The following NF1 variants were observed in gnomAD, a reference collection of about 807,000 sequenced individuals.
NF1 encodes the protein neurofibromin.
Under a neutral mutation model 325.7 loss-of-function variants are expected in NF1, and 122 were observed. The observed-to-expected ratio is 0.37, with a 90% CI of 0.32 to 0.44. NF1 has a LOEUF of 0.44. Ranked by LOEUF, NF1 falls within the 20% of genes least tolerant of loss-of-function variation. NF1 has a pLI of 1.00. For missense variants in NF1, 2,140 were observed against 3,415.4 expected (o/e 0.63, Z 9.31); for synonymous variants, 1,091 against 1,186.0 (o/e 0.92, Z 1.65).
rs370633563 is a variant in NF1, at chr17:31,353,703, T to C, written c.7615+1289T>C. ...TGTTCTTGCATTCCATTGGGTAAAA[T>C]TGTAATTGTTACTGGAATACATTAG... On this transcript the variant is annotated intron_variant, in intron 51 of 57. Coordinates refer to ENST00000358273, the MANE Select transcript of NF1 (RefSeq NM_001042492.3). Among the ~76,000 whole-genome samples the C allele has an allele frequency of 3.3e-4, 50 of 152,304 alleles. 1 individual carries two copies. The East Asian group carries it at 7.1e-3, about 22-fold the overall frequency.
chr17:31,309,955 A>C (rs1184598729), intron 36 of NF1, among the ~76,000 whole-genome samples: 1 of 152,232 alleles, frequency 6.6e-6, no homozygotes, highest in Non-Finnish European at 1.5e-5. Context: ...AGAGTACTAG[A>C]AACTGTATTA....
At chr17:31,368,183 C>T (rs1360393023) in intron 57 of NF1, among the ~76,000 whole-genome samples, 1 of 152,188 alleles carries the variant, frequency 6.6e-6, no homozygotes, top group Non-Finnish European at 1.5e-5. Context: ...GTTGCCCAGG[C>T]TGGAGTACAG....
intron 43 of NF1, 99 bp downstream of exon 43, chr17:31,337,681 A>AC: frequency 1.4e-6 from 2 of 1,415,544 alleles, no homozygotes; most frequent in East Asian, 5.0e-5. Flanking sequence ...GCTATTTTGT[A>AC]CTTAATGCTT....
intron 1 of NF1, among the ~76,000 whole-genome samples, chr17:31,145,357 T>C (rs2063410366): frequency 6.6e-6 from 1 of 152,158 alleles, no homozygotes; most frequent in Admixed American, 6.5e-5. Flanking sequence ...CATGCCTGGC[T>C]AATTTTTGTA....
At position 31,375,594 on chromosome 17, in the gene NF1, G is replaced by A. The variant is rs1011962283; in HGVS notation, c.*1439G>A. ...AAGATATTAATCCCTCTACTCCCAGGTTCCCTTTATATGTTAAGATATAAT... is the reference window on the plus strand; with the variant it reads ...AAGATATTAATCCCTCTACTCCCAGATTCCCTTTATATGTTAAGATATAAT... On this transcript the variant is annotated 3_prime_UTR_variant, in exon 58 of 58. Coordinates refer to ENST00000358273, the MANE Select transcript of NF1 (RefSeq NM_001042492.3). 4.3e-6 allele frequency: 1 copy of A among 232,438 alleles called. No homozygotes were observed. The highest frequency in any genetic ancestry group is 2.2e-5 in the African/African-American group (1 of 45,254). The allele number at this position is 232,438 out of a possible 1,614,324, so 14.4% of individuals were successfully genotyped here.
At chr17:31,320,653 A>G in intron 36 of NF1, 1 of 435,094 alleles carries the variant, frequency 2.3e-6, no homozygotes. Flanking sequence ...ATATTCCAGG[A>G]TTAAGATTAC....
At position 31,328,286 on chromosome 17, in the gene NF1, A is replaced by G. The variant is rs17882138; in HGVS notation, c.5609+447A>G. Among the ~76,000 whole-genome samples the G allele has an allele frequency of 8.3e-3, 1,257 of 152,336 alleles. 10 individuals are homozygous for G. The highest frequency in any genetic ancestry group is 0.014 in the South Asian group (68 of 4,834). ...CATCACTCTTAACAAAATTCTCAAA[A>G]TAAATCTTAAGACAAATAAGTCATC... On this transcript the variant is annotated intron_variant, in intron 38 of 57. Coordinates refer to ENST00000358273, the MANE Select transcript of NF1 (RefSeq NM_001042492.3).
At position 31,374,783 on chromosome 17, in the gene NF1, G is replaced by A. The variant is rs2070708343; in HGVS notation, c.*628G>A. The A allele has an allele frequency of 4.3e-6, 1 of 233,568 alleles. No individual in the cohort carries two copies. The highest frequency in any genetic ancestry group is 8.5e-6 in the Non-Finnish European group (1 of 118,220). 14.5% of individuals were successfully genotyped at this position (233,568 alleles called of 1,614,324 possible). ...TTCATATTTTATAGTGGATTCTTAA[G>A]AAATACTAACACTTGAGTATTAGCA... is the stretch of plus-strand genomic sequence containing the variant. On this transcript the variant is annotated 3_prime_UTR_variant, in exon 58 of 58. Transcript: ENST00000358273.
chr17:31,142,636 G>A (rs1010244743), intron 1 of NF1, among the ~76,000 whole-genome samples: 1 of 152,158 alleles, frequency 6.6e-6, no homozygotes, highest in Non-Finnish European at 1.5e-5. Flanking sequence ...GGGAGGCCAA[G>A]GTGGGCAGAT....
intron 36 of NF1, chr17:31,296,120 T>C: frequency 6.2e-7 from 1 of 1,611,568 alleles, no homozygotes; most frequent in Non-Finnish European, 8.5e-7. Context: ...TAACTGGTTA[T>C]GCAGATCAGT....
At chr17:31,353,644 G>T (rs1356540680) in intron 51 of NF1, among the ~76,000 whole-genome samples, 1 of 152,018 alleles carries the variant, frequency 6.6e-6, no homozygotes, top group East Asian at 1.9e-4. Flanking sequence ...CAAAAACACT[G>T]ATCTTACATC....
chr17:31,368,362 A>G (rs2070571750), intron 57 of NF1, among the ~76,000 whole-genome samples: 1 of 151,976 alleles, frequency 6.6e-6, no homozygotes, highest in African/African-American at 2.4e-5. Context: ...CTGGTCTCGA[A>G]CTCCTGACCT....
At chr17:31,300,529 A>G (rs1183543759) in intron 36 of NF1, among the ~76,000 whole-genome samples, 2 of 152,094 alleles carry the variant, frequency 1.3e-5, no homozygotes, top group African/African-American at 4.8e-5. Flanking sequence ...GGAATGTACC[A>G]TGGCTTATTC....
chr17:31,116,302 TAG>T (rs1913903642), intron 1 of NF1, among the ~76,000 whole-genome samples: 1 of 152,160 alleles, frequency 6.6e-6, no homozygotes, highest in South Asian at 2.1e-4. Flanking sequence ...TGAATATTAA[TAG>T]AGATAGGATG....
intron 1 of NF1, among the ~76,000 whole-genome samples, chr17:31,145,393 A>T (rs1916516269): frequency 6.6e-6 from 1 of 151,960 alleles, no homozygotes; most frequent in Non-Finnish European, 1.5e-5. Flanking sequence ...AGGTTTCCCC[A>T]TTTGGCCAGG....
intron 8 of NF1, among the ~76,000 whole-genome samples, chr17:31,184,999 A>AC: frequency 6.6e-6 from 1 of 152,200 alleles, no homozygotes; most frequent in East Asian, 1.9e-4. Context: ...ACTCTGATGA[A>AC]CCTTTTTTGC....
intron 36 of NF1, among the ~76,000 whole-genome samples, chr17:31,294,128 T>G (rs1328176071): frequency 1.3e-5 from 2 of 152,216 alleles, no homozygotes; most frequent in Non-Finnish European, 2.9e-5. Context: ...TATTTTTAAT[T>G]TAGGTAATTC....
Position 31,206,502 on chromosome 17 carries a change from G to T in NF1, c.1392+131G>T, listed in dbSNP as rs549940562. On this transcript the variant is annotated intron_variant, in intron 12 of 57. Coordinates refer to ENST00000358273, the MANE Select transcript of NF1 (RefSeq NM_001042492.3). The stretch of plus-strand genomic sequence containing the variant: ...TCCTTCATTTCCTCTAAATGTTGTG[G>T]TATGTTGTATCTAGAATATTGTTGA... 4.7e-6 allele frequency: 5 copies of T among 1,071,356 alleles called. No individual in the cohort carries two copies. The Admixed American group carries it at 9.3e-5, about 20-fold the overall frequency. 66.4% of individuals were successfully genotyped at this position (1,071,356 alleles called of 1,614,324 possible). A position where few individuals can be genotyped will look rare whatever the true frequency, so the allele number is the denominator to read the frequency against.
intron 29 of NF1, among the ~76,000 whole-genome samples, chr17:31,247,815 A>G (rs1172662256): frequency 6.6e-6 from 1 of 152,246 alleles, no homozygotes; most frequent in African/African-American, 2.4e-5. Flanking sequence ...AGTGAACTAT[A>G]TCTTCATCTA....
Sources: gnomAD v4.1 joint callset for allele counts (sites outside exome capture counted in the v4.1 genomes callset) on GRCh38, gnomAD v4.1.1 for gene constraint, MANE v1.5 for transcripts, NCBI Gene and HGNC (gene_info 2026-07-23, HGNC 2026-07-21) for gene names.